DOCK9: variants seen among roughly 807,000 people sequenced by gnomAD.
DOCK9 encodes the protein dedicator of cytokinesis protein 9.
In DOCK9, 89 loss-of-function variants were observed where a neutral mutation model predicts 263.3. The ratio of observed to expected loss-of-function variants is 0.34; its 90% CI spans 0.28 to 0.40. The LOEUF (loss-of-function observed/expected upper bound fraction) is 0.40, where lower values mean the gene tolerates loss of function less well. DOCK9 is among the 10% of genes least tolerant of loss of function. The pLI is 1.00. For synonymous variants in DOCK9, 976 were observed against 973.1 expected, an observed-to-expected ratio of 1.00 and a Z score of -0.06; for missense variants, 2,140 against 2,603.4, an observed-to-expected ratio of 0.82 and a Z score of 3.87.
At chr13:98,956,130 CA>C (rs914766686) in intron 1 of DOCK9, among the ~76,000 whole-genome samples, 3 of 152,184 alleles carry the variant, frequency 2.0e-5, no homozygotes, top group Non-Finnish European at 4.4e-5. Context: ...GGGTCACAGC[CA>C]GGGGGGCAGG....
intron 45 of DOCK9, among the ~76,000 whole-genome samples, chr13:98,816,455 A>G (rs1393551849): frequency 6.6e-6 from 1 of 152,074 alleles, no homozygotes; most frequent in East Asian, 1.9e-4. Flanking sequence ...ATTTAACAGT[A>G]GTCAGTGAGT....
chr13:98,856,579 T>C (rs2093711884), intron 33 of DOCK9: 1 of 152,548 alleles, frequency 6.6e-6, no homozygotes, highest in Non-Finnish European at 1.5e-5. Context: ...GGGCCTGCTA[T>C]GATAAAAGGC....
intron 1 of DOCK9, among the ~76,000 whole-genome samples, chr13:99,047,807 G>A (rs2040506606): frequency 1.3e-5 from 2 of 152,136 alleles, no homozygotes; most frequent in Admixed American, 1.3e-4. Flanking sequence ...ACAGGCAGGA[G>A]CTACTGCGCC....
intron 47 of DOCK9, chr13:98,808,566 T>C: frequency 1.0e-6 from 1 of 987,264 alleles, no homozygotes; most frequent in Non-Finnish European, 1.6e-6. Context: ...ACAAAAAACA[T>C]CCACATCAAA....
At chr13:98,980,424 A>G (rs1876907197), upstream of DOCK9, among the ~76,000 whole-genome samples, 1 of 152,252 alleles carries the variant, frequency 6.6e-6, no homozygotes, top group African/African-American at 2.4e-5. Flanking sequence ...TACAGAGAGC[A>G]GGGGCAATAT....
chr13:98,967,994 C>A (rs1197247968), intron 1 of DOCK9, among the ~76,000 whole-genome samples: 1 of 151,846 alleles, frequency 6.6e-6, no homozygotes. Context: ...TATTTTTCCT[C>A]ATCCAGTGAC....
At chr13:99,029,579 TGTTCAACATCATTA>T (rs1270956030) in intron 1 of DOCK9, among the ~76,000 whole-genome samples, 1 of 152,224 alleles carries the variant, frequency 6.6e-6, no homozygotes, top group Non-Finnish European at 1.5e-5. Context: ...CATAAAAAGA[TGTTCAACATCATTA>T]GTCTTTAGGA....
chr13:98,927,611 A>G (rs2053191208), intron 3 of DOCK9, among the ~76,000 whole-genome samples: 1 of 104,400 alleles, frequency 9.6e-6, no homozygotes, highest in African/African-American at 3.7e-5. Flanking sequence ...TGGAGCCCAG[A>G]TTTTTATTTA....
At chr13:99,053,342 A>G (rs1210767097) in intron 1 of DOCK9, among the ~76,000 whole-genome samples, 4 of 152,200 alleles carry the variant, frequency 2.6e-5, no homozygotes, top group Non-Finnish European at 4.4e-5. Context: ...GCTACTATAA[A>G]TAATTTCCCA....
intron 1 of DOCK9, among the ~76,000 whole-genome samples, chr13:98,972,966 T>C (rs7327924): frequency 1.1e-4 from 16 of 152,208 alleles, no homozygotes; most frequent in African/African-American, 3.9e-4. Flanking sequence ...ACTGAATTAA[T>C]GAATAAACAA....
chr13:98,935,099 G>C (rs1159798102), intron 2 of DOCK9, among the ~76,000 whole-genome samples: 1 of 152,156 alleles, frequency 6.6e-6, no homozygotes, highest in Non-Finnish European at 1.5e-5. Flanking sequence ...CAGTAAGGTA[G>C]AGAAGAGGAC....
At chr13:98,931,746 C>G (rs9517489) in intron 2 of DOCK9, among the ~76,000 whole-genome samples, 2 of 151,816 alleles carry the variant, frequency 1.3e-5, no homozygotes, top group Non-Finnish European at 2.9e-5. Context: ...TACAGGCGGG[C>G]GCCACCACAC....
At chr13:98,940,660 T>C (rs1288612628) in intron 2 of DOCK9, among the ~76,000 whole-genome samples, 1 of 151,920 alleles carries the variant, frequency 6.6e-6, no homozygotes, top group Non-Finnish European at 1.5e-5. Flanking sequence ...ATCTTGTTGG[T>C]GGTCTTGAGG....
chr13:98,944,695 A>C (rs1035487852), intron 2 of DOCK9, among the ~76,000 whole-genome samples: 4 of 152,182 alleles, frequency 2.6e-5, no homozygotes, highest in African/African-American at 9.7e-5. Context: ...ATGCAGAGGG[A>C]TACCCTGGGA....
chr13:98,983,621 TTA>T (rs369510881), intron 1 of DOCK9, among the ~76,000 whole-genome samples: 2,559 of 129,982 alleles, frequency 0.02, 46 homozygotes, highest in Non-Finnish European at 0.031. Flanking sequence ...ATTATTATTA[TTA>T]TTTTTTTTTT....
At chr13:99,086,227 A>G (rs899923511) in exon 1 of DOCK9, 33 of 1,501,978 alleles carry the variant, frequency 2.2e-5, no homozygotes, top group Non-Finnish European at 2.7e-5. Flanking sequence ...ACTCACCAGG[A>G]GCACGGAGCC....
intron 14 of DOCK9, 104 bp downstream of exon 14, chr13:98,898,075 A>T: frequency 1.3e-6 from 1 of 786,128 alleles, no homozygotes; most frequent in Non-Finnish European, 2.1e-6. Flanking sequence ...TCAGTTTTAC[A>T]CATTCAAATC....
At chr13:98,847,120 A>G (rs1456995899) in intron 37 of DOCK9, 7 of 157,940 alleles carry the variant, frequency 4.4e-5, no homozygotes, top group Non-Finnish European at 9.8e-5. Context: ...CGATTCTAAA[A>G]CATTTTGTTG....
At chr13:99,044,950 C>T (rs138314355) in intron 1 of DOCK9, among the ~76,000 whole-genome samples, 1 of 152,304 alleles carries the variant, frequency 6.6e-6, no homozygotes, top group Admixed American at 6.5e-5. Flanking sequence ...AGCCCATAGA[C>T]ATATTCACCC....
Sources: gnomAD v4.1 joint callset for allele counts (sites outside exome capture counted in the v4.1 genomes callset) on GRCh38, gnomAD v4.1.1 for gene constraint, MANE v1.5 for transcripts, NCBI Gene and HGNC (gene_info 2026-07-23, HGNC 2026-07-21) for gene names.